The following DENND2A variants were observed in gnomAD, a reference collection of about 807,000 sequenced individuals.
DENND2A encodes the protein DENN domain containing 2A.
Under a neutral mutation model 105.3 loss-of-function variants are expected in DENND2A, and 53 were observed. That is an observed-to-expected ratio of 0.50 (90% CI 0.40 to 0.63). The LOEUF is 0.63. DENND2A is among the 30% of genes least tolerant of loss of function. DENND2A has a pLI of 0.00. For missense variants in DENND2A, 1,138 were observed against 1,279.6 expected (o/e 0.89, Z 1.69); for synonymous variants, 522 against 508.4 (o/e 1.03, Z -0.36).
intron 1 of DENND2A, among the ~76,000 whole-genome samples, chr7:140,606,151 G>A (rs1278585822): frequency 6.6e-6 from 1 of 151,878 alleles, no homozygotes; most frequent in Non-Finnish European, 1.5e-5. Flanking sequence ...AGTGATTCTC[G>A]TGCCTCAGCC....
rs375009610 is a variant in DENND2A at position 140,573,941 on chromosome 7, G to A, written c.1313C>T (p.Thr438Ile). 153 of 1,614,040 alleles carry A rather than the reference G, an allele frequency of 9.5e-5. No individual in the cohort carries two copies. Among genetic ancestry groups the A allele is most frequent in the Non-Finnish European group, 1.3e-4 (150 of 1,180,036 alleles). ...SERRNFKLLD[T>I]RKLSRDGTGS... ...AGTTCCATCCCGACTCAGCTTCCTA[G>A]TGTCCAGCAGCTTGAAGTTCCTCCT... The change falls in exon 6 of 20, where the codon ACT (threonine) becomes ATT (isoleucine). Residue 438 changes from threonine (T) to isoleucine (I), a missense_variant. Transcript: ENST00000496613.
At chr7:140,558,076 C>G (rs1349474505) in intron 11 of DENND2A, 67 bp downstream of exon 11, 2 of 1,385,772 alleles carry the variant, frequency 1.4e-6, no homozygotes, top group Middle Eastern at 1.8e-4. Context: ...GGAAGCCAGA[C>G]CTGGCTCTTG....
At chr7:140,556,175 G>A (rs999915064) in intron 11 of DENND2A, among the ~76,000 whole-genome samples, 6 of 151,604 alleles carry the variant, frequency 4.0e-5, no homozygotes, top group South Asian at 2.1e-4. Context: ...ACACCACCAC[G>A]CCCCACTAAT....
At chr7:140,591,967 C>CTCCCTCCTCT (rs1459282704) in intron 3 of DENND2A, among the ~76,000 whole-genome samples, 1 of 41,986 alleles carries the variant, frequency 2.4e-5, no homozygotes, top group African/African-American at 1.1e-4. Flanking sequence ...CCCCTCCCCT[C>CTCCCTCCTCT]CCCCTCCCCT....
chr7:140,527,506 G>C lies in DENND2A; in HGVS notation c.2328-11C>G. The C allele has an allele frequency of 6.3e-7, 1 of 1,589,320 alleles. No individual in the cohort carries two copies. The highest frequency in any genetic ancestry group is 8.6e-7 in the Non-Finnish European group (1 of 1,165,154). ...CACTTGGACAGGATGCTGCAGCCGG[G>C]GAGAGAACAGGGAGAGAGGCCGACT... is the stretch of plus-strand genomic sequence containing the variant. On this transcript the variant is annotated splice_polypyrimidine_tract_variant and intron_variant, in intron 14 of 19. Coordinates refer to ENST00000496613, the MANE Select transcript of DENND2A (RefSeq NM_015689.5). This position sits in a 1 kb window ranked among gnomAD's most constrained non-coding sequence, Gnocchi z 4.9.
Position 140,559,628 on chromosome 7 carries a change from A to C in DENND2A, c.1889+80T>G, listed in dbSNP as rs1466051495. 2 of 1,000,210 alleles carry C rather than the reference A, an allele frequency of 2.0e-6. No homozygotes were observed. Among genetic ancestry groups the C allele is most frequent in the Admixed American group, 4.0e-5 (2 of 50,034 alleles). 62.0% of individuals were successfully genotyped at this position (1,000,210 alleles called of 1,614,324 possible). On this transcript the variant is annotated intron_variant, in intron 10 of 19. Coordinates refer to ENST00000496613, the MANE Select transcript of DENND2A (RefSeq NM_015689.5). This position sits in a 1 kb window ranked among gnomAD's most constrained non-coding sequence, Gnocchi z 4.1. ...GATTACTTAACGGTGGGAATGACTC[A>C]TGTGGTCTGCCACCTGTAACCCCGT... is the stretch of plus-strand genomic sequence containing the variant.
At chr7:140,587,389 C>T (rs1188847326) in intron 4 of DENND2A, among the ~76,000 whole-genome samples, 1 of 152,168 alleles carries the variant, frequency 6.6e-6, no homozygotes, top group South Asian at 2.1e-4. Flanking sequence ...CCCCACGCTT[C>T]TCGCTATGCC....
chr7:140,614,497 A>C (rs1800014170), intron 1 of DENND2A, among the ~76,000 whole-genome samples: 1 of 152,230 alleles, frequency 6.6e-6, no homozygotes, highest in African/African-American at 2.4e-5. Flanking sequence ...GAGCTGCCTC[A>C]GTCATTTTTT....
intron 1 of DENND2A, among the ~76,000 whole-genome samples, chr7:140,638,979 G>C (rs377368681): frequency 9.9e-5 from 15 of 152,202 alleles, no homozygotes; most frequent in East Asian, 7.7e-4. Flanking sequence ...CTGATGTCTA[G>C]CACGCATGCC....
chr7:140,534,442 G>A (rs781129348), intron 14 of DENND2A, among the ~76,000 whole-genome samples: 1 of 152,194 alleles, frequency 6.6e-6, no homozygotes, highest in Non-Finnish European at 1.5e-5. Context: ...GTCAAATTTT[G>A]TGAATAATTC....
chr7:140,557,529 A>ATTT lies in DENND2A; in HGVS notation c.1959+613_1959+614insAAA, dbSNP rs1563139283. Among the ~76,000 whole-genome samples, 9 of 32,922 alleles carry ATTT rather than the reference A, an allele frequency of 2.7e-4. No homozygotes were observed. In the East Asian group the frequency reaches 0.017, roughly 63 times the overall value. 21.6% of individuals were successfully genotyped at this position (32,922 alleles called of 152,430 possible). On this transcript the variant is annotated intron_variant, in intron 11 of 19. Transcript: ENST00000496613. ...TTTTAGTATATATATATATATATATATATTTTTTTTTTTTTTTTTTTTTTT... is the reference window on the plus strand; with the variant it reads ...TTTTAGTATATATATATATATATATATTTTATTTTTTTTTTTTTTTTTTTTTTT...
chr7:140,535,512 G>A (rs1408181641), intron 14 of DENND2A, among the ~76,000 whole-genome samples: 2 of 151,970 alleles, frequency 1.3e-5, no homozygotes, highest in East Asian at 1.9e-4. Context: ...TCTCACCTGT[G>A]AAATAACTAA....
At chr7:140,578,600 G>A (rs1459816587) in intron 5 of DENND2A, among the ~76,000 whole-genome samples, 1 of 152,230 alleles carries the variant, frequency 6.6e-6, no homozygotes, top group African/African-American at 2.4e-5. Context: ...GCATACAAGG[G>A]CCAGGTGCAG....
At chr7:140,601,302 A>T in intron 3 of DENND2A, 101 bp downstream of exon 3, 1 of 1,449,480 alleles carries the variant, frequency 6.9e-7, no homozygotes, top group Non-Finnish European at 9.2e-7. Context: ...CCATCAGTTT[A>T]ATAAAACAAA....
chr7:140,640,915 G>A (rs948167117), upstream of DENND2A: 1 of 151,932 alleles, frequency 6.6e-6, no homozygotes, highest in Non-Finnish European at 1.5e-5. The surrounding 1 kb of genome is among the most constrained non-coding windows in gnomAD (Gnocchi z 4.9). Context: ...CCTCTCCCAG[G>A]GCCCGGCCCC....
intron 14 of DENND2A, among the ~76,000 whole-genome samples, chr7:140,534,955 G>C (rs562043529): frequency 2.6e-5 from 4 of 152,116 alleles, no homozygotes; most frequent in Non-Finnish European, 4.4e-5. Context: ...CTGTTGGGTG[G>C]TGGTTCCTGA....
At chr7:140,545,975 G>A (rs1796884555) in intron 13 of DENND2A, among the ~76,000 whole-genome samples, 1 of 152,240 alleles carries the variant, frequency 6.6e-6, no homozygotes, top group African/African-American at 2.4e-5. Context: ...AGTGTTCCAG[G>A]CCTATTCTCC....
intron 5 of DENND2A, 38 bp downstream of exon 5, chr7:140,585,551 G>T: frequency 6.2e-7 from 1 of 1,612,978 alleles, no homozygotes; most frequent in Non-Finnish European, 8.5e-7. Context: ...ACCATGCTTT[G>T]GCCCCCTCTC....
intron 14 of DENND2A, among the ~76,000 whole-genome samples, chr7:140,536,654 T>C (rs907796232): frequency 6.6e-6 from 1 of 152,150 alleles, no homozygotes; most frequent in African/African-American, 2.4e-5. Context: ...GGCTGTACAA[T>C]TATACTATTA....
Sources: gnomAD v4.1 joint callset for allele counts (sites outside exome capture counted in the v4.1 genomes callset) on GRCh38, gnomAD v4.1.1 for gene constraint, Gnocchi (gnomAD v3.1) non-coding constraint, MANE v1.5 for transcripts, NCBI Gene and HGNC (gene_info 2026-07-23, HGNC 2026-07-21) for gene names.